The following PDE9A variants were observed in gnomAD, a reference collection of about 807,000 sequenced individuals.
PDE9A encodes phosphodiesterase 9A, also known as high affinity cGMP-specific 3',5'-cyclic phosphodiesterase 9A.
Under a neutral mutation model 87.4 loss-of-function variants are expected in PDE9A, and 60 were observed. That is an observed-to-expected ratio of 0.69 (90% CI 0.56 to 0.85). The LOEUF is 0.85. PDE9A is among the 40% of genes least tolerant of loss of function. PDE9A has a pLI of 0.00. For synonymous variants in PDE9A, 272 were observed against 279.4 expected (o/e 0.97, Z 0.27); for missense variants, 665 against 779.0 (o/e 0.85, Z 1.74).
Position 42,768,282 on chromosome 21 carries a change from A to G in PDE9A, c.1451A>G (p.Tyr484Cys). 1 of 1,582,252 alleles carries G rather than the reference A, an allele frequency of 6.3e-7. No homozygotes were observed. Among genetic ancestry groups the G allele is most frequent in the African/African-American group, 1.3e-5 (1 of 74,396 alleles). ...EPWVDCLLEEYFMQSDREKSE... is the reference protein window; with the variant it reads ...EPWVDCLLEECFMQSDREKSE... Reference sequence around the variant, plus strand: ...TGGGTGGACTGTTTATTAGAGGAATATTTTATGCAGGTAAGAGTCTTGCAG... The same window carrying G: ...TGGGTGGACTGTTTATTAGAGGAATGTTTTATGCAGGTAAGAGTCTTGCAG... Residue 484 changes from tyrosine to cysteine, a missense_variant, in exon 16 of 20, where the codon TAT becomes TGT. Transcript: ENST00000291539.
intron 1 of PDE9A, among the ~76,000 whole-genome samples, chr21:42,677,775 T>C (rs887356737): frequency 1.3e-5 from 2 of 152,210 alleles, no homozygotes; most frequent in African/African-American, 4.8e-5. Context: ...CCTGAGGAGC[T>C]GGGACTACAG....
At chr21:42,735,538 T>A (rs910067105) in intron 7 of PDE9A, among the ~76,000 whole-genome samples, 7 of 152,218 alleles carry the variant, frequency 4.6e-5, no homozygotes, top group African/African-American at 1.7e-4. Flanking sequence ...GTTCCATGCC[T>A]GTCTCCTAGA....
intron 18 of PDE9A, among the ~76,000 whole-genome samples, chr21:42,771,149 C>T (rs1199659757): frequency 6.6e-6 from 1 of 152,210 alleles, no homozygotes; most frequent in Non-Finnish European, 1.5e-5. Context: ...GAGTACAGTG[C>T]CTGGCCTGGC....
chr21:42,683,020 A>G (rs558665625), intron 1 of PDE9A, among the ~76,000 whole-genome samples: 4 of 152,240 alleles, frequency 2.6e-5, no homozygotes, highest in Non-Finnish European at 5.9e-5. Flanking sequence ...TTTACAAAAA[A>G]TCTAGGTCGT....
At chr21:42,748,310 T>C (rs1271269721) in intron 8 of PDE9A, among the ~76,000 whole-genome samples, 1 of 152,198 alleles carries the variant, frequency 6.6e-6, no homozygotes, top group Non-Finnish European at 1.5e-5. Flanking sequence ...ATTTGATTGG[T>C]GCATTTTGTT....
intron 1 of PDE9A, among the ~76,000 whole-genome samples, chr21:42,665,175 G>A (rs938281266): frequency 2.0e-4 from 30 of 152,218 alleles, no homozygotes; most frequent in African/African-American, 6.8e-4. Context: ...CAGGCTCTGC[G>A]GGCAGCCCCT....
Position 42,739,051 on chromosome 21 carries a change from A to G in PDE9A, c.569-4725A>G, listed in dbSNP as rs1048711849. On this transcript the variant is annotated intron_variant, in intron 7 of 19. Coordinates refer to ENST00000291539, the MANE Select transcript of PDE9A (RefSeq NM_002606.3). The surrounding 1 kb of genome is among the most constrained non-coding windows in gnomAD (Gnocchi z 4.1). ...GATAATACTAGCCCCACACACAGGCATGTCCTAGGGTCCACACCTGGTCAG... is the reference window on the plus strand; with the variant it reads ...GATAATACTAGCCCCACACACAGGCGTGTCCTAGGGTCCACACCTGGTCAG... 2.6e-4 allele frequency among the ~76,000 whole-genome samples: 40 copies of G among 152,330 alleles called. No homozygotes were observed. Among genetic ancestry groups the G allele is most frequent in the African/African-American group, 9.4e-4 (39 of 41,584 alleles).
At chr21:42,670,725 A>C (rs1295712454) in intron 1 of PDE9A, among the ~76,000 whole-genome samples, 1 of 150,862 alleles carries the variant, frequency 6.6e-6, no homozygotes, top group Non-Finnish European at 1.5e-5. Flanking sequence ...ACTCACAGTC[A>C]CATACACCCA....
intron 4 of PDE9A, among the ~76,000 whole-genome samples, chr21:42,699,407 G>A (rs1334010060): frequency 6.6e-6 from 1 of 152,244 alleles, no homozygotes; most frequent in East Asian, 1.9e-4. Context: ...CAGTTGCAGG[G>A]CGGCATCCAC....
intron 4 of PDE9A, among the ~76,000 whole-genome samples, chr21:42,714,378 C>T (rs534641343): frequency 2.0e-5 from 3 of 152,278 alleles, no homozygotes; most frequent in African/African-American, 4.8e-5. Context: ...TGTGGTGTGT[C>T]GCACCCAGAT....
chr21:42,701,581 C>A (rs1247509254), intron 4 of PDE9A, among the ~76,000 whole-genome samples: 1 of 152,030 alleles, frequency 6.6e-6, no homozygotes, highest in Non-Finnish European at 1.5e-5. Flanking sequence ...GGACTATAGG[C>A]ACACACCACC....
In PDE9A at chr21:42,653,695, G is replaced by C. The variant is rs1465940567; in HGVS notation, c.-120G>C. The C allele has an allele frequency of 7.0e-6, 2 of 286,910 alleles. No individual in the cohort carries two copies. Among genetic ancestry groups the C allele is most frequent in the African/African-American group, 4.6e-5 (2 of 43,334 alleles). The allele number at this position is 286,910 out of a possible 1,614,324, so 17.8% of individuals were successfully genotyped here. A position where few individuals can be genotyped will look rare whatever the true frequency, so the allele number is the denominator to read the frequency against. Reference sequence around the variant, plus strand: ...GCCCGGTGGCGGCGCGGCTGTGGTTGGCTGAGCGCCGCGGGCCGCCCCCCG... The same window carrying C: ...GCCCGGTGGCGGCGCGGCTGTGGTTCGCTGAGCGCCGCGGGCCGCCCCCCG... On this transcript the variant is annotated 5_prime_UTR_variant, in exon 1 of 20. Coordinates refer to ENST00000291539, the MANE Select transcript of PDE9A (RefSeq NM_002606.3).
At chr21:42,665,271 C>T (rs148062358) in intron 1 of PDE9A, among the ~76,000 whole-genome samples, 34 of 152,326 alleles carry the variant, frequency 2.2e-4, no homozygotes, top group East Asian at 5.8e-4. Context: ...TTCAGGCCTC[C>T]GGAGCCAAGA....
Position 42,770,720 on chromosome 21 carries a change from G to A in PDE9A, c.1608G>A (p.Glu536=). 1.2e-6 allele frequency: 2 copies of A among 1,613,714 alleles called. No homozygotes were observed. Among genetic ancestry groups the A allele is most frequent in the Non-Finnish European group, 1.7e-6 (2 of 1,179,582 alleles). The change falls in exon 18 of 20, where the codon GAG becomes GAA. Residue 536 remains glutamate (E), a synonymous_variant. Coordinates refer to ENST00000291539, the MANE Select transcript of PDE9A (RefSeq NM_002606.3). ...TCTCCCAGCTCTTCCCCATGGTTGA[G>A]GAGATCATGCTGCAGCCACTTTGGG... ...ETVTKLFPMV[E]EIMLQPLWES... is the part of the protein sequence containing the mutation.
chr21:42,764,966 G>C (rs1234761256), intron 14 of PDE9A, among the ~76,000 whole-genome samples: 1 of 150,406 alleles, frequency 6.6e-6, no homozygotes, highest in Non-Finnish European at 1.5e-5. Context: ...TTCTGTAAAT[G>C]CTTGTGGGGT....
intron 4 of PDE9A, among the ~76,000 whole-genome samples, chr21:42,726,620 A>T (rs776112877): frequency 0.11 from 2,496 of 23,750 alleles, 285 homozygotes; most frequent in African/African-American, 0.39. Flanking sequence ...ATATATATAT[A>T]TATATTTTTT....
chr21:42,661,345 T>A (rs1335916385), intron 1 of PDE9A, among the ~76,000 whole-genome samples: 2 of 150,544 alleles, frequency 1.3e-5, no homozygotes, highest in East Asian at 3.9e-4. Flanking sequence ...TTTTTTTTAA[T>A]TTTAAATTGT....
At chr21:42,661,150 G>T (rs558836355) in intron 1 of PDE9A, among the ~76,000 whole-genome samples, 2 of 151,734 alleles carry the variant, frequency 1.3e-5, no homozygotes, top group Non-Finnish European at 2.9e-5. Context: ...TCCTGCCTCA[G>T]CCTCCGGAGT....
Position 42,759,543 on chromosome 21 carries a change from A to AGTGTGGG in PDE9A, c.897+466_897+472dup, listed in dbSNP as rs1386909557. 1.4e-5 allele frequency among the ~76,000 whole-genome samples: 2 copies of AGTGTGGG among 138,410 alleles called. No individual in the cohort carries two copies. The highest frequency in any genetic ancestry group is 4.4e-4 in the East Asian group (2 of 4,552). 90.8% of individuals were successfully genotyped at this position (138,410 alleles called of 152,430 possible). A position where few individuals can be genotyped will look rare whatever the true frequency, so the allele number is the denominator to read the frequency against. On this transcript the variant is annotated intron_variant, in intron 11 of 19. Transcript: ENST00000291539. This position sits in a 1 kb window ranked among gnomAD's most constrained non-coding sequence, Gnocchi z 7.2. ...ATGTGTGGGAGCGTGTGTGTGTGTGAGTGTGGGGTGTGGGTGTGAGCATGG... is the reference window on the plus strand; with the variant it reads ...ATGTGTGGGAGCGTGTGTGTGTGTGAGTGTGGGGTGTGGGGTGTGGGTGTGAGCATGG...
Sources: allele counts gnomAD v4.1 joint callset (sites outside exome capture counted in the v4.1 genomes callset), GRCh38; gene constraint gnomAD v4.1.1; non-coding constraint Gnocchi (gnomAD v3.1); transcripts MANE v1.5; gene names NCBI Gene and HGNC (gene_info 2026-07-23, HGNC 2026-07-21).